The following HLTF variants were observed in gnomAD, a reference collection of about 807,000 sequenced individuals.
The protein encoded by HLTF is helicase like transcription factor, also known as DNA-dependent ATPase/E3 ubiquitin-protein ligase HLTF.
HLTF carries 127 observed loss-of-function variants against 129.4 expected under a neutral mutation model. The ratio of observed to expected loss-of-function variants is 0.98; its 90% CI spans 0.85 to 1.14. The LOEUF is 1.14. Ranked by LOEUF, HLTF falls within the 50% of genes most tolerant of loss-of-function variation. The pLI is 0.00. For missense variants in HLTF, 1,139 were observed against 1,187.1 expected (o/e 0.96, Z 0.60); for synonymous variants, 332 against 388.8 (o/e 0.85, Z 1.72).
chr3:149,043,283 C>T (rs2107971223), intron 18 of HLTF, among the ~76,000 whole-genome samples: 1 of 151,386 alleles, frequency 6.6e-6, no homozygotes, highest in East Asian at 1.9e-4. Context: ...CTGATAAAAA[C>T]ATAGAAAAGG....
chr3:149,077,270 A>AT (rs1191937792), intron 2 of HLTF, among the ~76,000 whole-genome samples: 24 of 150,438 alleles, frequency 1.6e-4, no homozygotes, highest in Admixed American at 4.0e-4. Context: ...AAATAAATAA[A>AT]TAAATAAATA....
At chr3:149,047,064 C>G (rs1034870138) in intron 17 of HLTF, among the ~76,000 whole-genome samples, 1 of 152,154 alleles carries the variant, frequency 6.6e-6, no homozygotes, top group Admixed American at 6.5e-5. Flanking sequence ...TACTATGTAT[C>G]ATGCACTCCG....
intron 2 of HLTF, among the ~76,000 whole-genome samples, chr3:149,083,274 A>C (rs546619260): frequency 2.6e-5 from 4 of 152,198 alleles, no homozygotes; most frequent in Admixed American, 6.5e-5. Context: ...AAAACAAATA[A>C]AAGAACATGC....
At chr3:149,044,627 G>A (rs760645921) in intron 18 of HLTF, among the ~76,000 whole-genome samples, 5 of 152,048 alleles carry the variant, frequency 3.3e-5, no homozygotes, top group Non-Finnish European at 7.4e-5. Context: ...GAAAATTCAC[G>A]GGCATCCTAT....
intron 13 of HLTF, among the ~76,000 whole-genome samples, chr3:149,056,033 G>A (rs1034315775): frequency 6.6e-6 from 1 of 152,194 alleles, no homozygotes; most frequent in Non-Finnish European, 1.5e-5. Context: ...TAGCCAGCAA[G>A]TAATGAGGTC....
rs1315698249 is a variant in HLTF at position 149,076,003 on chromosome 3, G to T, written c.273C>A (p.Asn91Lys). ...CTTTAATTGCATTCTTATCATAAGG[G>T]TTATTAGGATCTCGTTGTAATGCAA... ...EMVALQRDPN[N>K]PYDKNAIKVN... Residue 91 changes from asparagine (N) to lysine (K), a missense_variant, in exon 3 of 25, where the codon AAC becomes AAA. Physicochemically the swap from Asn to Lys is moderately conservative, Grantham distance 94. Coordinates refer to ENST00000310053, the MANE Select transcript of HLTF (RefSeq NM_003071.4). The T allele has an allele frequency of 2.6e-6, 4 of 1,528,226 alleles. No homozygotes were observed. The highest frequency in any genetic ancestry group is 1.7e-4 in the Middle Eastern group (1 of 5,872). 94.7% of individuals were successfully genotyped at this position (1,528,226 alleles called of 1,614,324 possible).
In HLTF at chr3:149,073,330, T is replaced by C; in HGVS notation, c.530-8A>G. 1 of 1,578,460 alleles carries C rather than the reference T, an allele frequency of 6.3e-7. No homozygotes were observed. On this transcript the variant is annotated splice_polypyrimidine_tract_variant and splice_region_variant and intron_variant, in intron 4 of 24. Transcript: ENST00000310053. ...CCAAATTGAATCCTAAAGCTATAAT[T>C]TACAAAATAAAAAGAATAAAGCCAT...
chr3:149,060,985 A>T (rs1334312521), intron 10 of HLTF, 127 bp from the exon 11 acceptor site: 1 of 647,958 alleles, frequency 1.5e-6, no homozygotes, highest in African/African-American at 1.8e-5. Flanking sequence ...AATTTTTTAA[A>T]GATTTTGACA....
At position 149,032,124 on chromosome 3, in the gene HLTF, G is replaced by GACAAC; in HGVS notation, c.*95_*96insGTTGT. 1 of 886,688 alleles carries GACAAC rather than the reference G, an allele frequency of 1.1e-6. No individual in the cohort carries two copies. Among genetic ancestry groups the GACAAC allele is most frequent in the Non-Finnish European group, 1.6e-6 (1 of 607,490 alleles). 54.9% of individuals were successfully genotyped at this position (886,688 alleles called of 1,614,324 possible). A position where few individuals can be genotyped will look rare whatever the true frequency, so the allele number is the denominator to read the frequency against. On this transcript the variant is annotated 3_prime_UTR_variant, in exon 25 of 25. Transcript: ENST00000310053. ...AATATAAAATATGCCCCTTTTAGAA[G>GACAAC]ACGTGTTCTCTAGATCTCATTTCTA...
At chr3:149,084,911 G>T in intron 1 of HLTF, 22 bp from the exon 2 acceptor site, 1 of 1,523,172 alleles carries the variant, frequency 6.6e-7, no homozygotes, top group Non-Finnish European at 9.1e-7. Flanking sequence ...TAAAGGCAAA[G>T]AAAAACAATA....
At chr3:149,062,853 CAAA>C (rs1250054130) in intron 10 of HLTF, among the ~76,000 whole-genome samples, 1 of 151,944 alleles carries the variant, frequency 6.6e-6, no homozygotes, top group Non-Finnish European at 1.5e-5. Context: ...AGTTCCTTGA[CAAA>C]ATAGAAAAAA....
rs1209295593 is a variant in HLTF, at chr3:149,086,510, C to T, written c.-174G>A. 6.1e-6 allele frequency: 4 copies of T among 657,384 alleles called. No homozygotes were observed. The highest frequency in any genetic ancestry group is 1.1e-5 in the Non-Finnish European group (4 of 379,262). The allele number at this position is 657,384 out of a possible 1,614,324, so 40.7% of individuals were successfully genotyped here. On this transcript the variant is annotated 5_prime_UTR_variant, in exon 1 of 25. Transcript: ENST00000310053. ...CGCCGCGAGTCCAGTCAGACGTCGA[C>T]GCCGTCTCCTTCTGCAACAATCTGG...
At chr3:149,059,421 C>T in intron 13 of HLTF, 1 of 456,034 alleles carries the variant, frequency 2.2e-6, no homozygotes. Context: ...TTAAATTAAG[C>T]TTTAAAGCAG....
At position 149,055,324 on chromosome 3, in the gene HLTF, A is replaced by G; in HGVS notation, c.1452T>C (p.Leu484=). 6.2e-7 allele frequency: 1 copy of G among 1,613,400 alleles called. No individual in the cohort carries two copies. Among genetic ancestry groups the G allele is most frequent in the Non-Finnish European group, 8.5e-7 (1 of 1,179,372 alleles). ...TTACAATCCAGTTGCTTAACACAGA[A>G]AGCGGACAGATGATCAGTGTTGTTC... ...RPRTTLIICP[L]SVLSNWIDQF... Residue 484 remains leucine, a synonymous_variant, in exon 14 of 25, where the codon CTT becomes CTC. Coordinates refer to ENST00000310053, the MANE Select transcript of HLTF (RefSeq NM_003071.4).
At chr3:149,045,724 T>G (rs2107977668) in intron 18 of HLTF, among the ~76,000 whole-genome samples, 1 of 152,352 alleles carries the variant, frequency 6.6e-6, no homozygotes, top group Middle Eastern at 3.4e-3. Flanking sequence ...GACCAGAATT[T>G]CATACCTTCT....
chr3:149,040,229 A>C, intron 20 of HLTF, 73 bp from the exon 21 acceptor site: 1 of 1,310,968 alleles, frequency 7.6e-7, no homozygotes, highest in South Asian at 1.3e-5. Flanking sequence ...AAAATTTTTA[A>C]ATGTATGCTA....
chr3:149,044,425 T>C (rs932356188), intron 18 of HLTF, among the ~76,000 whole-genome samples: 1 of 152,160 alleles, frequency 6.6e-6, no homozygotes, highest in African/African-American at 2.4e-5. Flanking sequence ...GAGATCTCTT[T>C]TGAGTGCCTA....
At chr3:149,042,409 A>C (rs1716208078) in intron 18 of HLTF, 119 bp from the exon 19 acceptor site, 1 of 840,376 alleles carries the variant, frequency 1.2e-6, no homozygotes, top group African/African-American at 1.7e-5. Flanking sequence ...CCAAAACAAG[A>C]ATGAAAAGCA....
rs984282038 is a variant in HLTF at position 149,054,706 on chromosome 3, T to C, written c.1473+597A>G. On this transcript the variant is annotated intron_variant, in intron 14 of 24. Transcript: ENST00000310053. ...AAGCAATCTGGAAAAAAAAAATTTC[T>C]GATGGGTAGTGTTAAAAGGACAGGC... Among the ~76,000 whole-genome samples, 15 of 152,270 alleles carry C rather than the reference T, an allele frequency of 9.9e-5. 1 individual carries two copies. The Middle Eastern group carries it at 0.017, about 173-fold the overall frequency.
Sources: gnomAD v4.1 joint callset for allele counts (sites outside exome capture counted in the v4.1 genomes callset) on GRCh38, gnomAD v4.1.1 for gene constraint, MANE v1.5 for transcripts, NCBI Gene and HGNC (gene_info 2026-07-23, HGNC 2026-07-21) for gene names.